Variants in UHMK1 observed in about 807,000 individuals in gnomAD.
UHMK1 encodes serine/threonine-protein kinase Kist.
In UHMK1, 18 loss-of-function variants were observed where a neutral mutation model predicts 44.0. That is an observed-to-expected ratio of 0.41 (90% CI 0.28 to 0.61). The LOEUF (loss-of-function observed/expected upper bound fraction) is 0.61. UHMK1 is among the 20% of genes least tolerant of loss of function. The pLI, the probability that UHMK1 is intolerant of heterozygous loss-of-function variation, is 0.31. For synonymous variants in UHMK1, 231 were observed against 198.5 expected, an observed-to-expected ratio of 1.16 and a Z score of -1.38; for missense variants, 463 against 522.5, an observed-to-expected ratio of 0.89 and a Z score of 1.11.
At chr1:162,517,949 AT>A (rs1273369769) in intron 6 of UHMK1, among the ~76,000 whole-genome samples, 152 bp from the exon 7 acceptor site, 2 of 152,188 alleles carry the variant, frequency 1.3e-5, no homozygotes, top group Non-Finnish European at 2.9e-5. Flanking sequence ...ATTATTTATA[AT>A]TTTGAATCAT....
chr1:162,514,042 C>T (rs983309975), intron 6 of UHMK1, among the ~76,000 whole-genome samples: 1 of 152,116 alleles, frequency 6.6e-6, no homozygotes, highest in African/African-American at 2.4e-5. Context: ...CAAACTTAGA[C>T]CAAGGACAAC....
intron 7 of UHMK1, among the ~76,000 whole-genome samples, chr1:162,520,107 G>A (rs761526297): frequency 2.6e-5 from 4 of 152,122 alleles, no homozygotes; most frequent in African/African-American, 9.7e-5. Context: ...TGTCCAGGGC[G>A]GTCTTGAACA....
intron 7 of UHMK1, among the ~76,000 whole-genome samples, chr1:162,520,361 T>G (rs1352429672): frequency 6.6e-6 from 1 of 152,250 alleles, no homozygotes; most frequent in African/African-American, 2.4e-5. Context: ...ATATGTATAA[T>G]TGTATCCTTG....
chr1:162,519,366 G>T (rs958557255), intron 7 of UHMK1, among the ~76,000 whole-genome samples: 16 of 151,694 alleles, frequency 1.1e-4, no homozygotes, highest in African/African-American at 3.9e-4. Context: ...TTTATTTCAG[G>T]TTCAGCTGGA....
rs1652287987 is a variant in UHMK1, at chr1:162,527,364, A to G, written c.*4814A>G. On this transcript the variant is annotated 3_prime_UTR_variant, in exon 8 of 8. Transcript: ENST00000489294. ...TTTTAATATTTTTTGCTGTAATTTT[A>G]TAGGAGCAGTGGACTGTAAGAGAAA... The G allele has an allele frequency of 1.3e-5, 2 of 152,120 alleles. No homozygotes were observed. Among genetic ancestry groups the G allele is most frequent in the African/African-American group, 2.4e-5 (1 of 41,442 alleles). The allele number at this position is 152,120 out of a possible 1,614,324, so 9.4% of individuals were successfully genotyped here. A position where few individuals can be genotyped will look rare whatever the true frequency, so the allele number is the denominator to read the frequency against.
rs937716160 is a variant in UHMK1, at chr1:162,500,193, G to C, written c.507G>C (p.Glu169Asp). ...LKPRNILWSA[E>D]NECFKLIDFG... ...CACGTAACATATTGTGGAGTGCAGA[G>C]AATGAATGTTTTAAACTCATTGACT... Residue 169 changes from glutamate to aspartate, a missense_variant, in exon 2 of 8, where the codon GAG (glutamate) becomes GAC (aspartate). By Grantham distance (45) the Glu-to-Asp change is conservative (BLOSUM62 2). Around this residue, in one of 3 missense-constraint regions of UHMK1, gnomAD observed 264 missense variants for 326.3 expected, o/e 0.81. Transcript: ENST00000489294. 6.2e-7 allele frequency: 1 copy of C among 1,613,964 alleles called. No individual in the cohort carries two copies. Among genetic ancestry groups the C allele is most frequent in the African/African-American group, 1.3e-5 (1 of 74,946 alleles).
intron 4 of UHMK1, among the ~76,000 whole-genome samples, chr1:162,509,402 CTT>C (rs1475352291): frequency 2.6e-5 from 4 of 152,196 alleles, no homozygotes; most frequent in Non-Finnish European, 4.4e-5. Flanking sequence ...ACTCCAACCT[CTT>C]ATGATTTTAC....
In UHMK1 at chr1:162,526,565, A is replaced by T. The variant is rs912770171; in HGVS notation, c.*4015A>T. The T allele has an allele frequency of 1.3e-5, 2 of 152,136 alleles. No homozygotes were observed. Among genetic ancestry groups the T allele is most frequent in the African/African-American group, 2.4e-5 (1 of 41,436 alleles). The allele number at this position is 152,136 out of a possible 1,614,324, so 9.4% of individuals were successfully genotyped here. ...TTGGGTGAAAGCTTCCCAGATGATG[A>T]TAATTAATAGCACTTCTGCCTTTTT... On this transcript the variant is annotated 3_prime_UTR_variant, in exon 8 of 8. Coordinates refer to ENST00000489294, the MANE Select transcript of UHMK1 (RefSeq NM_175866.5).
chr1:162,513,544 A>G (rs1000016631), intron 6 of UHMK1, among the ~76,000 whole-genome samples: 4 of 152,248 alleles, frequency 2.6e-5, no homozygotes, highest in Non-Finnish European at 5.9e-5. Flanking sequence ...GTACTATACA[A>G]TGGCAGAAAG....
intron 4 of UHMK1, among the ~76,000 whole-genome samples, chr1:162,509,899 C>T (rs1651608925): frequency 2.0e-5 from 3 of 152,206 alleles, no homozygotes; most frequent in South Asian, 4.1e-4. Flanking sequence ...CCCACCTCTG[C>T]CTCCCAAATT....
chr1:162,500,872 C>T (rs1191456649), intron 2 of UHMK1, 41 bp from the exon 3 acceptor site: 1 of 1,568,758 alleles, frequency 6.4e-7, no homozygotes, highest in Non-Finnish European at 8.7e-7. Flanking sequence ...AGAAAGGGAG[C>T]AGCTTTTTTA....
intron 4 of UHMK1, among the ~76,000 whole-genome samples, chr1:162,512,065 A>G (rs983361616): frequency 1.3e-5 from 2 of 150,734 alleles, no homozygotes; most frequent in African/African-American, 4.9e-5. Context: ...TATTTTGGCT[A>G]TTTAGGGTGT....
At chr1:162,497,296 G>C (rs1255575044), upstream of UHMK1, 3 of 702,620 alleles carry the variant, frequency 4.3e-6, no homozygotes, top group Non-Finnish European at 2.6e-6. Flanking sequence ...TAACCGGAGA[G>C]GTATGAGGCT....
intron 4 of UHMK1, among the ~76,000 whole-genome samples, chr1:162,505,936 C>T (rs1651453210): frequency 6.6e-6 from 1 of 152,120 alleles, no homozygotes; most frequent in African/African-American, 2.4e-5. Flanking sequence ...CCAGTGGTAA[C>T]TTTTTACATA....
intron 3 of UHMK1, among the ~76,000 whole-genome samples, chr1:162,503,265 A>C (rs1442924863): frequency 6.6e-6 from 1 of 152,032 alleles, no homozygotes; most frequent in Non-Finnish European, 1.5e-5. Context: ...TGAAGAAAAA[A>C]ATGTTCTTCT....
rs1263696469 is a variant in UHMK1, at chr1:162,523,557, G to A, written c.*1007G>A. ...TTTTGTAGTAAATCTATAGTTTTAA[G>A]GTTTCTCAAGATGTGGCTCTACCTA... On this transcript the variant is annotated 3_prime_UTR_variant, in exon 8 of 8. Transcript: ENST00000489294. 3 of 152,488 alleles carry A rather than the reference G, an allele frequency of 2.0e-5. No individual in the cohort carries two copies. Among genetic ancestry groups the A allele is most frequent in the Non-Finnish European group, 4.4e-5 (3 of 68,024 alleles). The allele number at this position is 152,488 out of a possible 1,614,324, so 9.4% of individuals were successfully genotyped here.
chr1:162,514,709 A>C (rs1234220082), intron 6 of UHMK1, among the ~76,000 whole-genome samples: 1 of 152,224 alleles, frequency 6.6e-6, no homozygotes, highest in Non-Finnish European at 1.5e-5. Flanking sequence ...GGGGTTTTGC[A>C]TGAGGCATCT....
At chr1:162,505,943 C>T (rs933235293) in intron 4 of UHMK1, among the ~76,000 whole-genome samples, 1 of 152,160 alleles carries the variant, frequency 6.6e-6, no homozygotes. Context: ...TAACTTTTTA[C>T]ATAACTGTAG....
chr1:162,518,393 AT>A (rs869158211), intron 7 of UHMK1, among the ~76,000 whole-genome samples: 154 of 146,822 alleles, frequency 1.0e-3, no homozygotes, highest in Non-Finnish European at 8.6e-4. Context: ...AGCACTTAAA[AT>A]TTTTTTTTTT....
Sources: allele counts gnomAD v4.1 joint callset (sites outside exome capture counted in the v4.1 genomes callset), GRCh38; gene constraint gnomAD v4.1.1; regional missense constraint gnomAD v4.1.1; transcripts MANE v1.5; gene names NCBI Gene and HGNC (gene_info 2026-07-23, HGNC 2026-07-21).